The following GNG7 variants were observed in gnomAD, a reference collection of about 807,000 sequenced individuals.
GNG7 encodes guanine nucleotide-binding protein G(I)/G(S)/G(O) subunit gamma-7.
A neutral mutation model predicts 4.0 loss-of-function variants in GNG7; 1 was observed. That is an observed-to-expected ratio of 0.25 (90% confidence interval 0.09 to 1.18). The LOEUF (loss-of-function observed/expected upper bound fraction) is 1.18, where lower values mean the gene tolerates loss of function less well. Among genes scored for constraint, GNG7 ranks in the 50% most tolerant of loss-of-function variants. The pLI, the probability that GNG7 is intolerant of heterozygous loss-of-function variation, is 0.50. For missense variants in GNG7, 86 were observed against 91.9 expected (o/e 0.94, Z 0.26); for synonymous variants, 34 against 36.9 (o/e 0.92, Z 0.29).
At chr19:2,661,296 A>AAC (rs1983156643) in intron 1 of GNG7, among the ~76,000 whole-genome samples, 1 of 58,594 alleles carries the variant, frequency 1.7e-5, no homozygotes, top group Non-Finnish European at 3.1e-5. Context: ...GAAAGAAAGA[A>AAC]AGAAAGAGAA....
chr19:2,601,316 G>A (rs763458256), intron 2 of GNG7, among the ~76,000 whole-genome samples: 9 of 152,242 alleles, frequency 5.9e-5, no homozygotes, highest in Non-Finnish European at 1.3e-4. Context: ...CCTAGAGTAG[G>A]TAACTCCTCA....
intron 3 of GNG7, among the ~76,000 whole-genome samples, chr19:2,547,475 G>A (rs566815242): frequency 2.0e-5 from 3 of 151,950 alleles, no homozygotes; most frequent in African/African-American, 7.2e-5. Flanking sequence ...TCACCCTCCT[G>A]CCTCCTCTCG....
intron 3 of GNG7, among the ~76,000 whole-genome samples, chr19:2,544,058 G>A (rs2144750394): frequency 6.6e-6 from 1 of 152,212 alleles, no homozygotes; most frequent in Non-Finnish European, 1.5e-5. Flanking sequence ...AACAAAACCA[G>A]CAACCAGATT....
At chr19:2,589,770 T>A (rs949078392) in intron 2 of GNG7, among the ~76,000 whole-genome samples, 3 of 152,098 alleles carry the variant, frequency 2.0e-5, no homozygotes, top group Admixed American at 1.3e-4. Context: ...TCACACTCAG[T>A]GAGAGAAGCC....
intron 1 of GNG7, among the ~76,000 whole-genome samples, chr19:2,693,427 AAAAG>A (rs1160141496): frequency 4.5e-4 from 69 of 151,854 alleles, no homozygotes; most frequent in African/African-American, 1.3e-3. Flanking sequence ...AAAAAAAAAA[AAAAG>A]AAAGAAAGAA....
At chr19:2,520,261 C>T (rs1978300684) in intron 4 of GNG7, among the ~76,000 whole-genome samples, 1 of 152,224 alleles carries the variant, frequency 6.6e-6, no homozygotes, top group African/African-American at 2.4e-5. Context: ...CCGCCTGGGA[C>T]TGTGTCTCTC....
chr19:2,527,773 AAC>A (rs139992476), intron 3 of GNG7, among the ~76,000 whole-genome samples: 8,066 of 137,230 alleles, frequency 0.059, 718 homozygotes, highest in African/African-American at 0.23. Context: ...CTTGCCAGGA[AAC>A]CCCCCCCCCC....
intron 2 of GNG7, among the ~76,000 whole-genome samples, chr19:2,592,515 G>C (rs543429662): frequency 1.3e-5 from 2 of 151,794 alleles, no homozygotes; most frequent in African/African-American, 4.8e-5. Context: ...CAGGAAGATC[G>C]CTTGAGCCCA....
chr19:2,613,376 A>G (rs1981628713), intron 2 of GNG7, among the ~76,000 whole-genome samples: 1 of 152,278 alleles, frequency 6.6e-6, no homozygotes, highest in Non-Finnish European at 1.5e-5. Context: ...CACTACCTGG[A>G]GAGGGGGAGA....
intron 3 of GNG7, among the ~76,000 whole-genome samples, chr19:2,532,808 G>A (rs1201826896): frequency 6.6e-6 from 1 of 152,154 alleles, no homozygotes; most frequent in African/African-American, 2.4e-5. Context: ...ATATTTGGGA[G>A]GATGTAGAAG....
intron 1 of GNG7, among the ~76,000 whole-genome samples, chr19:2,695,850 G>C (rs1273019264): frequency 6.6e-6 from 1 of 152,136 alleles, no homozygotes; most frequent in African/African-American, 2.4e-5. Flanking sequence ...AGGGAGCACT[G>C]AGATGGGAAA....
chr19:2,688,413 C>A (rs1311827656), intron 1 of GNG7, among the ~76,000 whole-genome samples: 1 of 152,146 alleles, frequency 6.6e-6, no homozygotes, highest in African/African-American at 2.4e-5. Context: ...GCTGGGAGAA[C>A]CAGGTTAACA....
intron 2 of GNG7, among the ~76,000 whole-genome samples, chr19:2,625,517 C>T (rs2144837050): frequency 6.6e-6 from 1 of 151,952 alleles, no homozygotes; most frequent in East Asian, 2.0e-4. Context: ...CCCAGATTAG[C>T]CAGACTTCTC....
intron 2 of GNG7, among the ~76,000 whole-genome samples, chr19:2,601,128 TC>T (rs891508809): frequency 6.6e-6 from 1 of 151,052 alleles, no homozygotes; most frequent in East Asian, 1.9e-4. Flanking sequence ...AGGAGAGACC[TC>T]CCCCCCGCCA....
chr19:2,691,281 T>C (rs1237914251), intron 1 of GNG7, among the ~76,000 whole-genome samples: 1 of 152,186 alleles, frequency 6.6e-6, no homozygotes, highest in Non-Finnish European at 1.5e-5. Flanking sequence ...CAGTAACGCA[T>C]ATCCGTAATC....
chr19:2,553,674 A>G (rs1979429338), intron 3 of GNG7, among the ~76,000 whole-genome samples: 1 of 144,092 alleles, frequency 6.9e-6, no homozygotes, highest in Non-Finnish European at 1.5e-5. Context: ...CGTTACATGT[A>G]ATATGTTATA....
intron 2 of GNG7, among the ~76,000 whole-genome samples, chr19:2,629,463 G>A (rs753140798): frequency 9.1e-4 from 138 of 152,196 alleles, no homozygotes; most frequent in Non-Finnish European, 1.5e-3. Flanking sequence ...TTGCCTGGGC[G>A]CCCACACGAA....
At position 2,696,322 on chromosome 19, in the gene GNG7, G is replaced by GAAAGAAAGAAAGAA. The variant is rs1555705062; in HGVS notation, c.-135+6310_-135+6323dup. Among the ~76,000 whole-genome samples the GAAAGAAAGAAAGAA allele has an allele frequency of 4.6e-5, 6 of 130,392 alleles. No homozygotes were observed. The Admixed American group carries it at 4.7e-4, about 10-fold the overall frequency. 85.5% of individuals were successfully genotyped at this position (130,392 alleles called of 152,430 possible). On this transcript the variant is annotated intron_variant, in intron 1 of 4. Transcript: ENST00000382159. The stretch of plus-strand genomic sequence containing the variant: ...AGAAAGAAAGAAAGAAAGAAAGAAA[G>GAAAGAAAGAAAGAA]AAAGAAAGAAAGAAAGAAAGAAAGA...
intron 2 of GNG7, among the ~76,000 whole-genome samples, chr19:2,574,403 CT>C (rs1175337635): frequency 2.0e-5 from 3 of 152,242 alleles, no homozygotes; most frequent in Non-Finnish European, 2.9e-5. Flanking sequence ...TCCCCAGCCC[CT>C]GGCACTCACT....
Sources: allele counts gnomAD v4.1 joint callset (sites outside exome capture counted in the v4.1 genomes callset), GRCh38; gene constraint gnomAD v4.1.1; transcripts MANE v1.5; gene names NCBI Gene and HGNC (gene_info 2026-07-23, HGNC 2026-07-21).